Variants in ELP4 observed in about 807,000 individuals in gnomAD.
ELP4 encodes elongator acetyltransferase complex subunit 4.
ELP4 carries 51 observed loss-of-function variants against 48.9 expected under a neutral mutation model. The observed-to-expected ratio is 1.04, with a 90% CI of 0.83 to 1.32. ELP4 has a LOEUF of 1.32. ELP4 is among the 40% of genes most tolerant of loss of function. The pLI is 0.00. For synonymous variants in ELP4, 210 were observed against 189.2 expected, an observed-to-expected ratio of 1.11 and a Z score of -0.90; for missense variants, 519 against 514.6, an observed-to-expected ratio of 1.01 and a Z score of -0.08.
chr11:31,763,370 T>G (rs1947985474), intron 9 of ELP4: 1 of 1,542,782 alleles, frequency 6.5e-7, no homozygotes, highest in Admixed American at 1.9e-5. Context: ...CCTTCAAAAT[T>G]ACTGTTGACT....
At chr11:31,728,444 C>T (rs961955353) in intron 9 of ELP4, among the ~76,000 whole-genome samples, 1 of 152,054 alleles carries the variant, frequency 6.6e-6, no homozygotes, top group Admixed American at 6.6e-5. Flanking sequence ...GTACCTAGTA[C>T]CCTAATTGTG....
At chr11:31,588,829 A>G (rs1957521211) in intron 3 of ELP4, among the ~76,000 whole-genome samples, 1 of 152,134 alleles carries the variant, frequency 6.6e-6, no homozygotes, top group Non-Finnish European at 1.5e-5. Context: ...CTAAAAATGT[A>G]AAAATTAGCT....
At chr11:31,745,727 T>C (rs952248793) in intron 9 of ELP4, among the ~76,000 whole-genome samples, 7 of 152,154 alleles carry the variant, frequency 4.6e-5, no homozygotes, top group Non-Finnish European at 8.8e-5. Flanking sequence ...TTACACCTTA[T>C]ACAAAAATTA....
rs1343798889 is a variant in ELP4, at chr11:31,788,825, G to A, written c.*5301G>A. 1.5e-5 allele frequency: 3 copies of A among 205,426 alleles called. No individual in the cohort carries two copies. Among genetic ancestry groups the A allele is most frequent in the African/African-American group, 6.8e-5 (3 of 43,842 alleles). The allele number at this position is 205,426 out of a possible 1,614,324, so 12.7% of individuals were successfully genotyped here. A position where few individuals can be genotyped will look rare whatever the true frequency, so the allele number is the denominator to read the frequency against. On this transcript the variant is annotated 3_prime_UTR_variant, in exon 10 of 10. Coordinates refer to ENST00000640961, the MANE Select transcript of ELP4 (RefSeq NM_019040.5). ...AAGGATTATTTTTTAAGGATCATCA[G>A]GATGTAAAACAGAGTGTGTGTGAAA...
At chr11:31,524,336 G>A (rs2050616539) in intron 2 of ELP4, among the ~76,000 whole-genome samples, 1 of 152,218 alleles carries the variant, frequency 6.6e-6, no homozygotes, top group Admixed American at 6.5e-5. Flanking sequence ...CAAGCTCGTG[G>A]TTGTTTACAA....
At chr11:31,586,090 A>G (rs1330834167) in intron 3 of ELP4, among the ~76,000 whole-genome samples, 1 of 152,176 alleles carries the variant, frequency 6.6e-6, no homozygotes. Flanking sequence ...ATTTAAGTAG[A>G]TAGTGGCTAC....
intron 9 of ELP4, among the ~76,000 whole-genome samples, chr11:31,678,962 T>C (rs1254349072): frequency 6.6e-6 from 1 of 152,184 alleles, no homozygotes; most frequent in Non-Finnish European, 1.5e-5. Flanking sequence ...TTCTAAAATG[T>C]AGAAAATGAG....
intron 9 of ELP4, among the ~76,000 whole-genome samples, chr11:31,760,499 G>A (rs1016185862): frequency 1.3e-5 from 2 of 152,032 alleles, no homozygotes; most frequent in Non-Finnish European, 2.9e-5. Flanking sequence ...ATATGCATCA[G>A]TTTAAGTATG....
chr11:31,675,686 G>A (rs1262023118), intron 9 of ELP4, among the ~76,000 whole-genome samples: 2 of 152,100 alleles, frequency 1.3e-5, no homozygotes, highest in African/African-American at 4.8e-5. Flanking sequence ...TACTTATACT[G>A]TGGAAGTTAT....
intron 4 of ELP4, among the ~76,000 whole-genome samples, chr11:31,600,967 A>G (rs1318777029): frequency 6.6e-6 from 1 of 152,108 alleles, no homozygotes; most frequent in Non-Finnish European, 1.5e-5. Context: ...GAACCATTTC[A>G]TTTTACTCAC....
At chr11:31,753,432 A>G (rs1298674776) in intron 9 of ELP4, among the ~76,000 whole-genome samples, 1 of 152,194 alleles carries the variant, frequency 6.6e-6, no homozygotes, top group Non-Finnish European at 1.5e-5. Context: ...TAAAATAACA[A>G]CTATCATGTC....
At chr11:31,727,342 T>C (rs1448128102) in intron 9 of ELP4, among the ~76,000 whole-genome samples, 1 of 152,166 alleles carries the variant, frequency 6.6e-6, no homozygotes, top group Non-Finnish European at 1.5e-5. Flanking sequence ...TCTTGATTTA[T>C]TGGCTCAGAC....
Position 31,789,634 on chromosome 11 carries a change from A to G in ELP4, c.*6110A>G, listed in dbSNP as rs1554982132. On this transcript the variant is annotated 3_prime_UTR_variant, in exon 10 of 10. Coordinates refer to ENST00000640961, the MANE Select transcript of ELP4 (RefSeq NM_019040.5). ...CAGATCAAACATCCATCCAGTCTAC[A>G]TTGTTCTTTTTTTCATTATAACATA... 2 of 696,456 alleles carry G rather than the reference A, an allele frequency of 2.9e-6. No individual in the cohort carries two copies. Among genetic ancestry groups the G allele is most frequent in the Non-Finnish European group, 5.2e-6 (2 of 382,420 alleles). 43.1% of individuals were successfully genotyped at this position (696,456 alleles called of 1,614,324 possible). A position where few individuals can be genotyped will look rare whatever the true frequency, so the allele number is the denominator to read the frequency against.
rs1271780554 is a variant in ELP4 at position 31,786,438 on chromosome 11, A to G, written c.*2914A>G. 4.6e-6 allele frequency: 1 copy of G among 218,538 alleles called. No individual in the cohort carries two copies. Among genetic ancestry groups the G allele is most frequent in the African/African-American group, 2.2e-5 (1 of 44,550 alleles). The allele number at this position is 218,538 out of a possible 1,614,324, so 13.5% of individuals were successfully genotyped here. On this transcript the variant is annotated 3_prime_UTR_variant, in exon 10 of 10. Transcript: ENST00000640961. Reference sequence around the variant, plus strand: ...TTGAGTCATTCAGTACCAAGCCAAAACACAGAAAAACAAAAAAGCAGATGA... The same window carrying G: ...TTGAGTCATTCAGTACCAAGCCAAAGCACAGAAAAACAAAAAAGCAGATGA...
rs146635427 is a variant in ELP4, at chr11:31,555,587, A to G, written c.381+15804A>G. 4.1e-3 allele frequency among the ~76,000 whole-genome samples: 625 copies of G among 151,860 alleles called. 5 individuals carry two copies. Among genetic ancestry groups the G allele is most frequent in the African/African-American group, 0.014 (586 of 41,500 alleles). ...ACAAAAGTATTGTTTTTAACATAAT[A>G]TATATATTAATGTGGTCCAGTTTTT... On this transcript the variant is annotated intron_variant, in intron 3 of 9. Coordinates refer to ENST00000640961, the MANE Select transcript of ELP4 (RefSeq NM_019040.5).
intron 9 of ELP4, among the ~76,000 whole-genome samples, chr11:31,672,049 C>T (rs1336709516): frequency 1.3e-5 from 2 of 151,538 alleles, no homozygotes; most frequent in Non-Finnish European, 2.9e-5. Flanking sequence ...CTTAGAAGGT[C>T]GATGAGGGGG....
In ELP4 at chr11:31,564,319, A is replaced by G. The variant is rs571756802; in HGVS notation, c.381+24536A>G. Among the ~76,000 whole-genome samples the G allele has an allele frequency of 1.4e-3, 215 of 152,064 alleles. 2 individuals carry two copies. The highest frequency in any genetic ancestry group is 5.0e-3 in the African/African-American group (206 of 41,508). ...CTGTAACCACTGAAACAGAATTTTT[A>G]TAGAGTAGATTTTTTTTCCAGAGAT... On this transcript the variant is annotated intron_variant, in intron 3 of 9. Transcript: ENST00000640961.
chr11:31,541,976 CTT>C (rs149820840), intron 3 of ELP4, among the ~76,000 whole-genome samples: 1,970 of 152,250 alleles, frequency 0.013, 44 homozygotes, highest in African/African-American at 0.044. Flanking sequence ...AAAACAGACT[CTT>C]AAAAAATACA....
At chr11:31,549,986 T>A (rs1956814017) in intron 3 of ELP4, among the ~76,000 whole-genome samples, 1 of 151,752 alleles carries the variant, frequency 6.6e-6, no homozygotes. Context: ...GGGACTGTTG[T>A]GAGGTGGGGT....
Sources: gnomAD v4.1 joint callset for allele counts (sites outside exome capture counted in the v4.1 genomes callset) on GRCh38, gnomAD v4.1.1 for gene constraint, MANE v1.5 for transcripts, NCBI Gene and HGNC (gene_info 2026-07-23, HGNC 2026-07-21) for gene names.